CFAP47: variants seen among roughly 807,000 people sequenced by gnomAD.
CFAP47 encodes cilia- and flagella-associated protein 47.
In CFAP47, 29 loss-of-function variants were observed where a neutral mutation model predicts 148.1. The ratio of observed to expected loss-of-function variants is 0.20; its 90% CI spans 0.15 to 0.27. The LOEUF is 0.27. Ranked by LOEUF, CFAP47 falls within the 10% of genes least tolerant of loss-of-function variation. CFAP47 has a pLI of 1.00. For synonymous variants in CFAP47, 664 were observed against 577.3 expected (o/e 1.15, Z -2.15); for missense variants, 1,872 against 1,697.5 (o/e 1.10, Z -1.81).
chrX:36,279,955 C>T (rs1240832840), intron 49 of CFAP47, among the ~76,000 whole-genome samples: 1 of 111,174 alleles, frequency 9.0e-6, no homozygotes, highest in Non-Finnish European at 1.9e-5. Context: ...CCACCCTCCT[C>T]AGCCTCCCAA....
intron 19 of CFAP47, among the ~76,000 whole-genome samples, chrX:35,997,960 A>T (rs1489931362): frequency 1.8e-5 from 2 of 111,106 alleles, no homozygotes; most frequent in African/African-American, 6.5e-5. Flanking sequence ...TTTTTTTTAA[A>T]CACAAAAACT....
intron 57 of CFAP47, among the ~76,000 whole-genome samples, chrX:36,342,323 A>G (rs1005414449): frequency 7.1e-5 from 8 of 111,936 alleles, no homozygotes; most frequent in African/African-American, 1.9e-4. Flanking sequence ...ATATCCCTAA[A>G]CTGATGTATA....
chrX:35,960,160 G>C (rs1038291151), intron 8 of CFAP47, among the ~76,000 whole-genome samples: 2 of 105,220 alleles, frequency 1.9e-5, no homozygotes, highest in African/African-American at 7.0e-5. Flanking sequence ...GGCTGGTCTC[G>C]AGCTGCTGAT....
intron 56 of CFAP47, among the ~76,000 whole-genome samples, chrX:36,317,495 C>T (rs1177932555): frequency 9.2e-6 from 1 of 108,738 alleles, no homozygotes; most frequent in Non-Finnish European, 1.9e-5. Flanking sequence ...CTGCAAGCTC[C>T]GCCTCCTAGG....
At chrX:36,055,807 C>T (rs1243528062) in intron 26 of CFAP47, among the ~76,000 whole-genome samples, 3 of 111,864 alleles carry the variant, frequency 2.7e-5, no homozygotes, top group Admixed American at 1.9e-4. Context: ...TTCTCCACAC[C>T]CTCACCAGCA....
intron 2 of CFAP47, 107 bp downstream of exon 2, chrX:35,926,275 A>T (rs1220671508): frequency 1.1e-4 from 60 of 551,289 alleles, no homozygotes; most frequent in Non-Finnish European, 8.7e-5. Context: ...CTGACAGTTG[A>T]ACTTAAAGGA....
chrX:36,297,500 G>T (rs1941254094), intron 51 of CFAP47, among the ~76,000 whole-genome samples: 1 of 112,288 alleles, frequency 8.9e-6, no homozygotes. Flanking sequence ...TTAAAATTGA[G>T]ATGTGTCCTG....
intron 30 of CFAP47, among the ~76,000 whole-genome samples, chrX:36,090,322 C>T (rs1363249475): frequency 9.0e-6 from 1 of 111,658 alleles, no homozygotes; most frequent in Non-Finnish European, 1.9e-5. Context: ...TAAATATTAA[C>T]TGTGAGCAAA....
chrX:36,133,116 CCAA>C (rs1938978365), intron 33 of CFAP47, among the ~76,000 whole-genome samples: 1 of 110,978 alleles, frequency 9.0e-6, no homozygotes, highest in African/African-American at 3.3e-5. Flanking sequence ...TTGGTAGAGG[CCAA>C]GTATACACTA....
At chrX:36,351,396 C>T (rs1941741797) in intron 59 of CFAP47, among the ~76,000 whole-genome samples, 1 of 111,636 alleles carries the variant, frequency 9.0e-6, no homozygotes, top group Non-Finnish European at 1.9e-5. Flanking sequence ...TCTGATATAG[C>T]TGAACTGCTT....
At chrX:35,952,067 G>T (rs912422323) in intron 6 of CFAP47, 104 bp downstream of exon 6, 2 of 840,334 alleles carry the variant, frequency 2.4e-6, no homozygotes, top group African/African-American at 2.1e-5. Flanking sequence ...AAACTTGCCA[G>T]AAGGCACAAG....
chrX:36,198,469 A>G (rs1773389292), intron 42 of CFAP47, among the ~76,000 whole-genome samples: 1 of 111,959 alleles, frequency 8.9e-6, no homozygotes, highest in African/African-American at 3.2e-5. Context: ...AATTATTCTT[A>G]TCAGACTTAA....
rs1424547685 is a variant in CFAP47 at position 36,376,797 on chromosome X, G to A, written c.9186-2553G>A. On this transcript the variant is annotated intron_variant, in intron 62 of 63. Transcript: ENST00000378653. ...CCCTCCCCCCACCCCATGACAGGCT[G>A]CGGTGTGTGATGTTCCCCTTCCTGT... Among the ~76,000 whole-genome samples the A allele has an allele frequency of 3.5e-5, 3 of 84,628 alleles. No individual in the cohort carries two copies. In the South Asian group the frequency reaches 2.0e-3, roughly 57 times the overall value. The allele number at this position is 84,628 out of a possible 115,157, so 73.5% of individuals were successfully genotyped here. A position where few individuals can be genotyped will look rare whatever the true frequency, so the allele number is the denominator to read the frequency against.
intron 49 of CFAP47, among the ~76,000 whole-genome samples, chrX:36,266,658 C>CA (rs1184243632): frequency 7.2e-4 from 79 of 110,357 alleles, no homozygotes; most frequent in African/African-American, 2.4e-3. Flanking sequence ...TAGATGCTGG[C>CA]AAAAAACCTT....
chrX:36,383,199 G>A (rs1446952266), intron 63 of CFAP47, among the ~76,000 whole-genome samples: 1 of 111,885 alleles, frequency 8.9e-6, no homozygotes, highest in African/African-American at 3.2e-5. Context: ...TTCAATAAAT[G>A]TAATTGGGAC....
At chrX:35,949,483 T>C (rs1936133022) in intron 4 of CFAP47, among the ~76,000 whole-genome samples, 1 of 111,167 alleles carries the variant, frequency 9.0e-6, no homozygotes, top group Middle Eastern at 4.3e-3. Context: ...AGTGTGCAAA[T>C]TGGAGATAGG....
intron 51 of CFAP47, among the ~76,000 whole-genome samples, chrX:36,295,284 G>A (rs782195426): frequency 1.4e-4 from 16 of 112,023 alleles, no homozygotes; most frequent in Non-Finnish European, 1.3e-4. Flanking sequence ...AACTTTAAAA[G>A]CCTACTCATG....
At chrX:36,050,758 G>T (rs905930610) in intron 26 of CFAP47, among the ~76,000 whole-genome samples, 3 of 111,564 alleles carry the variant, frequency 2.7e-5, no homozygotes, top group African/African-American at 6.5e-5. Context: ...TGTCTCTAGG[G>T]CATGTCAGAG....
intron 60 of CFAP47, among the ~76,000 whole-genome samples, chrX:36,356,850 C>G (rs1941790276): frequency 8.9e-6 from 1 of 111,764 alleles, no homozygotes; most frequent in East Asian, 2.8e-4. Context: ...CTTGTCTTCT[C>G]TCATCTGAGT....
Sources: allele counts gnomAD v4.1 joint callset (sites outside exome capture counted in the v4.1 genomes callset), GRCh38; gene constraint gnomAD v4.1.1; transcripts MANE v1.5; gene names NCBI Gene and HGNC (gene_info 2026-07-23, HGNC 2026-07-21).